The following KLHL32 variants were observed in gnomAD, a reference collection of about 807,000 sequenced individuals.
KLHL32 encodes kelch like family member 32.
In KLHL32, 35 loss-of-function variants were observed where a neutral mutation model predicts 64.8. That is an observed-to-expected ratio of 0.54 (90% CI 0.41 to 0.72). The LOEUF is 0.72. KLHL32 is among the 30% of genes least tolerant of loss of function. The pLI is 0.00. For synonymous variants in KLHL32, 259 were observed against 281.0 expected (o/e 0.92, Z 0.78); for missense variants, 589 against 768.5 (o/e 0.77, Z 2.76).
chr6:97,125,306 G>A (rs1248830583), intron 7 of KLHL32, among the ~76,000 whole-genome samples: 1 of 152,164 alleles, frequency 6.6e-6, no homozygotes, highest in Non-Finnish European at 1.5e-5. Context: ...TTCCAGCTCA[G>A]TTAAGGATTA....
chr6:96,977,467 ATTTTC>A (rs10591329), intron 3 of KLHL32, among the ~76,000 whole-genome samples: 33,270 of 152,024 alleles, frequency 0.22, 4,117 homozygotes, highest in African/African-American at 0.34. Flanking sequence ...TGCCTATTTA[ATTTTC>A]TTTTCAATGT....
chr6:96,943,479 A>G (rs756495), intron 1 of KLHL32, among the ~76,000 whole-genome samples: 152,315 of 152,326 alleles, frequency 1, 76,152 homozygotes, highest in Middle Eastern at 1. Context: ...GCTGACCCCC[A>G]ATGTTGGATA....
Position 97,028,201 on chromosome 6 carries a change from C to T in KLHL32, c.205-13291C>T, listed in dbSNP as rs1289072066. Among the ~76,000 whole-genome samples, 7 of 151,968 alleles carry T rather than the reference C, an allele frequency of 4.6e-5. 1 individual carries two copies. The South Asian group carries it at 6.2e-4, about 14-fold the overall frequency. On this transcript the variant is annotated intron_variant, in intron 3 of 10. Coordinates refer to ENST00000369261, the MANE Select transcript of KLHL32 (RefSeq NM_052904.4). ...CTCAGCTTTCCCATCTAGTAAGTGT[C>T]GGGTAGGAGCCGAGATTCTATATTT...
rs1554208428 is a variant in KLHL32, at chr6:96,973,730, C to CTCTTTTTTTTTTTTTTTTTTTTTTTTT, written c.24-2266_24-2265insCTTTTTTTTTTTTTTTTTTTTTTTTTT. ...GATTTTTGAGATCTTTACAGATTGC[C>CTCTTTTTTTTTTTTTTTTTTTTTTTTT]TTTTTTTTTTTAGACAGAGTCTCGC... On this transcript the variant is annotated intron_variant, in intron 2 of 10. Coordinates refer to ENST00000369261, the MANE Select transcript of KLHL32 (RefSeq NM_052904.4). Among the ~76,000 whole-genome samples the CTCTTTTTTTTTTTTTTTTTTTTTTTTT allele has an allele frequency of 6.8e-5, 8 of 118,250 alleles. 1 individual carries two copies. Among genetic ancestry groups the CTCTTTTTTTTTTTTTTTTTTTTTTTTT allele is most frequent in the African/African-American group, 2.6e-4 (8 of 30,730 alleles). The allele number at this position is 118,250 out of a possible 152,430, so 77.6% of individuals were successfully genotyped here.
chr6:97,028,060 A>T (rs1485034238), intron 3 of KLHL32, among the ~76,000 whole-genome samples: 1 of 152,208 alleles, frequency 6.6e-6, no homozygotes, highest in East Asian at 1.9e-4. Context: ...TAGGTGTCTC[A>T]TCACTTCAAG....
rs1797503119 is a variant in KLHL32 at position 97,113,831 on chromosome 6, G to C, written c.676G>C (p.Glu226Gln). 2 of 1,613,992 alleles carry C rather than the reference G, an allele frequency of 1.2e-6. No individual in the cohort carries two copies. Among genetic ancestry groups the C allele is most frequent in the African/African-American group, 1.3e-5 (1 of 74,894 alleles). ...EHNCHYQYMD[E>Q]LLQYIRFGLM... Reference sequence around the variant, plus strand: ...CAACTGCCACTACCAGTACATGGACGAGCTCCTGCAATACATCCGCTTTGG... The same window carrying C: ...CAACTGCCACTACCAGTACATGGACCAGCTCCTGCAATACATCCGCTTTGG... The change falls in exon 7 of 11, where the codon GAG becomes CAG. Residue 226 changes from glutamate (E) to glutamine (Q), a missense_variant. Glu to Gln is a conservative substitution (Grantham distance 29). Coordinates refer to ENST00000369261, the MANE Select transcript of KLHL32 (RefSeq NM_052904.4).
At chr6:97,042,705 A>G (rs1403482815) in intron 4 of KLHL32, among the ~76,000 whole-genome samples, 1 of 152,174 alleles carries the variant, frequency 6.6e-6, no homozygotes, top group African/African-American at 2.4e-5. Context: ...TATTATAGTT[A>G]CCATTCTGTG....
chr6:96,969,063 C>A (rs1774822609), intron 2 of KLHL32, among the ~76,000 whole-genome samples: 2 of 152,114 alleles, frequency 1.3e-5, no homozygotes, highest in African/African-American at 4.8e-5. Flanking sequence ...CTGAGCATTT[C>A]GGCACTTGGC....
chr6:96,910,710 A>G, the KLHL32 span, among the ~76,000 whole-genome samples: 8 of 152,340 alleles, frequency 5.3e-5, no homozygotes, highest in East Asian at 9.7e-4. Flanking sequence ...ATTTCCACAC[A>G]TAATCCCTTA....
rs1800606106 is a variant in KLHL32 at position 97,140,753 on chromosome 6, A to G, written c.*1471A>G. Reference sequence around the variant, plus strand: ...AATAAAAACGATCTTTTTGTCTTACAGAATTCACTAACTTCATATATCGTT... The same window carrying G: ...AATAAAAACGATCTTTTTGTCTTACGGAATTCACTAACTTCATATATCGTT... On this transcript the variant is annotated 3_prime_UTR_variant, in exon 11 of 11. Transcript: ENST00000369261. 1 of 152,026 alleles carries G rather than the reference A, an allele frequency of 6.6e-6. No homozygotes were observed. Among genetic ancestry groups the G allele is most frequent in the South Asian group, 2.1e-4 (1 of 4,824 alleles). 9.4% of individuals were successfully genotyped at this position (152,026 alleles called of 1,614,324 possible). A position where few individuals can be genotyped will look rare whatever the true frequency, so the allele number is the denominator to read the frequency against.
At chr6:97,019,944 GA>G (rs1582734704) in intron 3 of KLHL32, among the ~76,000 whole-genome samples, 2 of 92,712 alleles carry the variant, frequency 2.2e-5, no homozygotes, top group African/African-American at 5.0e-5. Context: ...CACTCCCGGC[GA>G]ATTTTTTTTT....
intron 1 of KLHL32, among the ~76,000 whole-genome samples, chr6:96,936,934 C>CTTTCTCAATGAAGTCCATTGTGAT (rs1224502951): frequency 6.6e-6 from 1 of 152,134 alleles, no homozygotes. Context: ...TCAAATGTCA[C>CTTTCTCAATGAAGTCCATTGTGAT]TTTCTCAATG....
At chr6:97,107,162 A>G (rs1355334840) in intron 6 of KLHL32, among the ~76,000 whole-genome samples, 8 of 151,840 alleles carry the variant, frequency 5.3e-5, no homozygotes, top group African/African-American at 9.7e-5. Context: ...GCGTGGTGGC[A>G]GGTGCCTGTA....
intron 4 of KLHL32, among the ~76,000 whole-genome samples, chr6:97,064,284 AT>A (rs1038437272): frequency 6.6e-6 from 1 of 152,174 alleles, no homozygotes; most frequent in Non-Finnish European, 1.5e-5. Flanking sequence ...GTTCTTTTGC[AT>A]TTTATAAGAT....
chr6:97,107,490 T>C (rs17057439), intron 6 of KLHL32, among the ~76,000 whole-genome samples: 7,681 of 152,258 alleles, frequency 0.05, 668 homozygotes, highest in African/African-American at 0.18. Context: ...CTGGTTTTGA[T>C]TTCCATTTGT....
At chr6:96,944,401 T>A (rs1187137870) in intron 1 of KLHL32, among the ~76,000 whole-genome samples, 1 of 152,234 alleles carries the variant, frequency 6.6e-6, no homozygotes, top group East Asian at 1.9e-4. Context: ...ACAATAGACC[T>A]ACATAATATG....
intron 4 of KLHL32, among the ~76,000 whole-genome samples, chr6:97,042,905 C>A (rs1785346655): frequency 6.6e-6 from 1 of 152,172 alleles, no homozygotes; most frequent in Non-Finnish European, 1.5e-5. Flanking sequence ...TTGATTGATT[C>A]TTCGTGAAAA....
intron 4 of KLHL32, among the ~76,000 whole-genome samples, chr6:97,044,073 C>G (rs1257174108): frequency 6.6e-6 from 1 of 151,806 alleles, no homozygotes; most frequent in South Asian, 2.1e-4. Flanking sequence ...TGTTTCTGAT[C>G]TTAAAGGAGG....
chr6:97,007,973 G>A (rs977554578), intron 3 of KLHL32, among the ~76,000 whole-genome samples: 4 of 152,216 alleles, frequency 2.6e-5, no homozygotes, highest in Non-Finnish European at 5.9e-5. Context: ...ACATGCCAGC[G>A]ATTGCAGCAA....
Sources: gnomAD v4.1 joint callset for allele counts (sites outside exome capture counted in the v4.1 genomes callset) on GRCh38, gnomAD v4.1.1 for gene constraint, MANE v1.5 for transcripts, NCBI Gene and HGNC (gene_info 2026-07-23, HGNC 2026-07-21) for gene names.